The following IQCM variants were observed in gnomAD, a reference collection of about 807,000 sequenced individuals.
IQCM encodes IQ motif containing M, also known as IQ domain-containing protein M.
A neutral mutation model predicts 57.6 loss-of-function variants in IQCM; 45 were observed. That is an observed-to-expected ratio of 0.78 (90% confidence interval 0.62 to 1.00). The LOEUF is 1.00. IQCM is among the 50% of genes least tolerant of loss of function. The probability of loss-of-function intolerance (pLI) is 0.00; values close to 1 mark genes in which losing one functional copy is unlikely to be tolerated. For synonymous variants in IQCM, 148 were observed against 158.9 expected, an observed-to-expected ratio of 0.93 and a Z score of 0.51; for missense variants, 468 against 511.6, an observed-to-expected ratio of 0.91 and a Z score of 0.82.
At chr4:149,597,106 T>C (rs1051296354) in intron 8 of IQCM, among the ~76,000 whole-genome samples, 1 of 152,070 alleles carries the variant, frequency 6.6e-6, no homozygotes, top group Non-Finnish European at 1.5e-5. Context: ...TTATCAAAAT[T>C]GACTGAGCAG....
At chr4:149,672,552 T>C (rs1434343362) in intron 7 of IQCM, among the ~76,000 whole-genome samples, 3 of 151,884 alleles carry the variant, frequency 2.0e-5, no homozygotes, top group Admixed American at 6.6e-5. Context: ...ATGAGTGAAA[T>C]GAAGTGAGAA....
chr4:149,806,849 A>G (rs1774125153), intron 2 of IQCM, among the ~76,000 whole-genome samples: 1 of 151,924 alleles, frequency 6.6e-6, no homozygotes, highest in Non-Finnish European at 1.5e-5. Flanking sequence ...TACATGATTT[A>G]ATTTTGAAAA....
At chr4:149,755,306 T>C (rs981505617) in intron 2 of IQCM, among the ~76,000 whole-genome samples, 5 of 152,126 alleles carry the variant, frequency 3.3e-5, no homozygotes, top group Admixed American at 3.3e-4. Context: ...CCAGTAACAA[T>C]GGAGTAAATA....
In IQCM at chr4:149,670,416, T is replaced by A. The variant is rs187989105; in HGVS notation, c.565+11702A>T. Among the ~76,000 whole-genome samples the A allele has an allele frequency of 1.9e-3, 296 of 152,308 alleles. 7 individuals are homozygous for A. Among genetic ancestry groups the A allele is most frequent in the Admixed American group, 0.016 (249 of 15,302 alleles). ...GTTTTCTAAATATACAATCATGTCA[T>A]CTGCAAACAGGGACAATTTGACTTT... On this transcript the variant is annotated intron_variant, in intron 7 of 13. Coordinates refer to ENST00000636793, the MANE Select transcript of IQCM (RefSeq NM_001363507.2).
At chr4:149,815,444 T>C (rs1394048160) in intron 1 of IQCM, 96 bp from the exon 2 acceptor site, 2 of 151,922 alleles carry the variant, frequency 1.3e-5, no homozygotes, top group Non-Finnish European at 2.9e-5. Context: ...GCAAAAAAAT[T>C]TATAAACATA....
intron 5 of IQCM, among the ~76,000 whole-genome samples, chr4:149,696,079 A>T (rs1007647895): frequency 6.6e-6 from 1 of 152,178 alleles, no homozygotes; most frequent in African/African-American, 2.4e-5. Context: ...CTTCATAACA[A>T]AATGTTTAGA....
intron 12 of IQCM, among the ~76,000 whole-genome samples, chr4:149,521,478 A>G (rs1223217599): frequency 6.6e-6 from 1 of 152,198 alleles, no homozygotes; most frequent in Non-Finnish European, 1.5e-5. Context: ...ACTTTTAGTA[A>G]TTGTTTAGTT....
chr4:149,682,052 C>A, intron 7 of IQCM, 66 bp downstream of exon 7: 1 of 567,010 alleles, frequency 1.8e-6, no homozygotes, highest in Non-Finnish European at 2.6e-6. Flanking sequence ...TTTGTTTTTG[C>A]ATTTAAATGA....
intron 12 of IQCM, among the ~76,000 whole-genome samples, chr4:149,436,061 C>A (rs1735335412): frequency 6.6e-6 from 1 of 152,006 alleles, no homozygotes; most frequent in Non-Finnish European, 1.5e-5. Context: ...CAGTAGTGTA[C>A]AGTCATGTCC....
intron 12 of IQCM, among the ~76,000 whole-genome samples, chr4:149,452,703 G>A (rs932915868): frequency 2.6e-5 from 4 of 151,314 alleles, no homozygotes; most frequent in Middle Eastern, 3.2e-3. Flanking sequence ...CATATCCATC[G>A]CCTCCCAAAG....
chr4:149,355,088 C>T (rs1206864903), intron 13 of IQCM, among the ~76,000 whole-genome samples: 9 of 151,898 alleles, frequency 5.9e-5, no homozygotes, highest in Admixed American at 3.9e-4. Context: ...TATTATCTAC[C>T]CTATGATATC....
chr4:149,809,542 A>C (rs1257987735), intron 2 of IQCM, among the ~76,000 whole-genome samples: 2 of 152,212 alleles, frequency 1.3e-5, no homozygotes, highest in East Asian at 3.9e-4. Flanking sequence ...CCAGAAAATA[A>C]TTGAATTGCC....
chr4:149,627,434 A>T (rs1456095772), intron 7 of IQCM, among the ~76,000 whole-genome samples: 1 of 152,176 alleles, frequency 6.6e-6, no homozygotes, highest in African/African-American at 2.4e-5. Flanking sequence ...GGCAAAGTAA[A>T]TAAACTAGGG....
chr4:149,810,011 G>T (rs1366256028), intron 2 of IQCM, among the ~76,000 whole-genome samples: 1 of 138,050 alleles, frequency 7.2e-6, no homozygotes, highest in Non-Finnish European at 1.5e-5. Context: ...TCTCTCTGTA[G>T]ATATACAGAT....
chr4:149,729,601 A>C (rs532375094), intron 5 of IQCM, among the ~76,000 whole-genome samples: 1 of 152,140 alleles, frequency 6.6e-6, no homozygotes, highest in African/African-American at 2.4e-5. Context: ...CAGCCTCCCA[A>C]ATAGCTAGGA....
intron 2 of IQCM, among the ~76,000 whole-genome samples, chr4:149,771,874 A>G (rs1580257345): frequency 6.6e-6 from 1 of 152,174 alleles, no homozygotes; most frequent in African/African-American, 2.4e-5. Context: ...CTAAGGGGTA[A>G]ACATTGGAAG....
intron 2 of IQCM, chr4:149,748,658 A>T (rs1337983467): frequency 6.6e-6 from 1 of 152,184 alleles, no homozygotes; most frequent in East Asian, 1.9e-4. Context: ...ATACATGGAC[A>T]TGTACATTGA....
intron 13 of IQCM, among the ~76,000 whole-genome samples, chr4:149,402,096 A>C (rs1436831371): frequency 6.6e-6 from 1 of 151,802 alleles, no homozygotes; most frequent in Non-Finnish European, 1.5e-5. Flanking sequence ...ACAGAGGTGA[A>C]AAAAGAATAG....
At position 149,735,423 on chromosome 4, in the gene IQCM, G is replaced by A; in HGVS notation, c.73C>T (p.Gln25Ter). ...TGGGCAATGAGAGTTTTTGCTTCTT[G>A]AAAAAAGTCTTGCTTGGTGATCTCT... The part of the protein sequence containing the change: ...TLEITKQDFF[Q>*]EAKTLIAQHY... The change falls in exon 4 of 14, where the codon CAA (glutamine) becomes TAA (stop). Residue 25 changes from glutamine (Q) to a stop codon, truncating the protein, a stop_gained. Transcript: ENST00000636793. LOFTEE classifies it high-confidence loss of function. The A allele has an allele frequency of 8.1e-7, 1 of 1,227,048 alleles. No individual in the cohort carries two copies. Among genetic ancestry groups the A allele is most frequent in the Non-Finnish European group, 1.0e-6 (1 of 983,646 alleles). The allele number at this position is 1,227,048 out of a possible 1,614,324, so 76.0% of individuals were successfully genotyped here.
Sources: allele counts gnomAD v4.1 joint callset (sites outside exome capture counted in the v4.1 genomes callset), GRCh38; gene constraint gnomAD v4.1.1; transcripts MANE v1.5; gene names NCBI Gene and HGNC (gene_info 2026-07-23, HGNC 2026-07-21).